TMEM156: variants seen among roughly 807,000 people sequenced by gnomAD.
TMEM156 encodes transmembrane protein 156.
In TMEM156, 28 loss-of-function variants were observed where a neutral mutation model predicts 30.5. The ratio of observed to expected loss-of-function variants is 0.92; its 90% CI spans 0.68 to 1.26. TMEM156 has a LOEUF of 1.26. Among genes scored for constraint, TMEM156 ranks in the 50% most tolerant of loss-of-function variants. TMEM156 has a pLI of 0.00. For synonymous variants in TMEM156, 137 were observed against 119.9 expected (o/e 1.14, Z -0.93); for missense variants, 351 against 340.6 (o/e 1.03, Z -0.24).
intron 5 of TMEM156, among the ~76,000 whole-genome samples, chr4:38,981,281 T>G (rs1332417455): frequency 1.3e-5 from 2 of 152,234 alleles, no homozygotes; most frequent in Non-Finnish European, 2.9e-5. Context: ...TATTTTGGTG[T>G]AATATAAATT....
intron 2 of TMEM156, 152 bp downstream of exon 2, chr4:38,998,488 G>A: frequency 1.8e-6 from 1 of 558,742 alleles, no homozygotes; most frequent in Non-Finnish European, 2.5e-6. Context: ...AGGTTGCAGT[G>A]AGCTGAGATT....
At chr4:39,026,193 TAAGGGG>T (rs1715192467) in intron 1 of TMEM156, among the ~76,000 whole-genome samples, 2 of 152,222 alleles carry the variant, frequency 1.3e-5, no homozygotes, top group South Asian at 4.1e-4. Context: ...CAGAACAGTG[TAAGGGG>T]AAGATATATC....
At chr4:38,984,578 C>T (rs1409577638) in intron 5 of TMEM156, among the ~76,000 whole-genome samples, 1 of 152,026 alleles carries the variant, frequency 6.6e-6, no homozygotes, top group Non-Finnish European at 1.5e-5. Context: ...ATTCTCACTG[C>T]TGCCTATAAT....
At chr4:38,979,231 G>A (rs763567289) in intron 5 of TMEM156, among the ~76,000 whole-genome samples, 11 of 152,322 alleles carry the variant, frequency 7.2e-5, no homozygotes, top group South Asian at 4.1e-4. Context: ...TAGATTCACC[G>A]ACATGAGGCA....
At chr4:38,973,315 CT>C (rs761709557) in intron 5 of TMEM156, among the ~76,000 whole-genome samples, 13 of 152,110 alleles carry the variant, frequency 8.5e-5, no homozygotes, top group Admixed American at 3.3e-4. Flanking sequence ...GAATTAGCAT[CT>C]TTATATATTC....
intron 1 of TMEM156, among the ~76,000 whole-genome samples, chr4:39,026,410 C>T (rs1715209048): frequency 6.6e-6 from 1 of 151,616 alleles, no homozygotes; most frequent in Non-Finnish European, 1.5e-5. Context: ...CATTTATCCA[C>T]CAAAACAATG....
intron 5 of TMEM156, among the ~76,000 whole-genome samples, chr4:38,978,219 C>T (rs553466845): frequency 6.6e-6 from 1 of 152,044 alleles, no homozygotes; most frequent in African/African-American, 2.4e-5. Flanking sequence ...ACTACTTGTT[C>T]AGCTACATTT....
intron 5 of TMEM156, among the ~76,000 whole-genome samples, chr4:38,983,775 T>C (rs952816556): frequency 1.3e-5 from 2 of 152,244 alleles, no homozygotes; most frequent in South Asian, 4.1e-4. Flanking sequence ...TTGATATCCA[T>C]AGCCCTTCTA....
At chr4:39,008,827 A>C (rs1373978217) in intron 1 of TMEM156, among the ~76,000 whole-genome samples, 1 of 152,190 alleles carries the variant, frequency 6.6e-6, no homozygotes, top group Non-Finnish European at 1.5e-5. Flanking sequence ...TTAAATTAAC[A>C]ACCTAAGCAT....
At chr4:38,994,930 T>C (rs1252509744) in intron 2 of TMEM156, among the ~76,000 whole-genome samples, 2 of 150,934 alleles carry the variant, frequency 1.3e-5, no homozygotes, top group Non-Finnish European at 3.0e-5. Flanking sequence ...AGAAGGAGAC[T>C]CAGTCTCAAA....
At chr4:39,013,759 G>GA (rs1714290809) in intron 1 of TMEM156, among the ~76,000 whole-genome samples, 1 of 151,982 alleles carries the variant, frequency 6.6e-6, no homozygotes, top group Non-Finnish European at 1.5e-5. Context: ...ACAGTCAACT[G>GA]AAAAATGGTA....
At position 39,026,992 on chromosome 4, in the gene TMEM156, C is replaced by T. The variant is rs1715237901; in HGVS notation, c.88+5234G>A. Among the ~76,000 whole-genome samples, 2 of 152,056 alleles carry T rather than the reference C, an allele frequency of 1.3e-5. 1 individual carries two copies. Among genetic ancestry groups the T allele is most frequent in the South Asian group, 4.1e-4 (2 of 4,822 alleles). ...AATCTTACCACAAAGTACATTTATCCATCTAGTTTTATTCCTTCTTTCTAA... is the reference window on the plus strand; with the variant it reads ...AATCTTACCACAAAGTACATTTATCTATCTAGTTTTATTCCTTCTTTCTAA... On this transcript the variant is annotated intron_variant, in intron 1 of 6. Transcript: ENST00000381938.
At chr4:39,028,038 G>A (rs1355205577) in intron 1 of TMEM156, among the ~76,000 whole-genome samples, 2 of 151,772 alleles carry the variant, frequency 1.3e-5, no homozygotes, top group East Asian at 1.9e-4. Context: ...ATTACACCGC[G>A]CCTGGCCCCA....
chr4:39,011,432 A>G (rs2110021302), intron 1 of TMEM156, among the ~76,000 whole-genome samples: 1 of 151,300 alleles, frequency 6.6e-6, no homozygotes, highest in South Asian at 2.1e-4. Flanking sequence ...GTTCTACCAA[A>G]AAGACACCTG....
intron 5 of TMEM156, among the ~76,000 whole-genome samples, chr4:38,976,668 C>T (rs1323249944): frequency 6.6e-6 from 1 of 152,202 alleles, no homozygotes; most frequent in Admixed American, 6.5e-5. Context: ...CTAATAAGTA[C>T]AGTGACTGAC....
intron 5 of TMEM156, among the ~76,000 whole-genome samples, chr4:38,977,309 G>A (rs978872500): frequency 6.6e-6 from 1 of 152,130 alleles, no homozygotes; most frequent in Non-Finnish European, 1.5e-5. Flanking sequence ...AAGCCAAACC[G>A]CTGGTTTGGC....
At chr4:38,971,795 A>AT (rs555294762) in intron 5 of TMEM156, among the ~76,000 whole-genome samples, 2,516 of 148,902 alleles carry the variant, frequency 0.017, 26 homozygotes, top group East Asian at 0.062. Context: ...GTGACCTATA[A>AT]TTTTTTTTTT....
At chr4:39,013,667 C>T (rs1018866249) in intron 1 of TMEM156, among the ~76,000 whole-genome samples, 5 of 151,790 alleles carry the variant, frequency 3.3e-5, no homozygotes, top group Admixed American at 6.6e-5. Context: ...CCCAAAGTGC[C>T]GGGATTACAG....
intron 1 of TMEM156, among the ~76,000 whole-genome samples, chr4:39,018,256 A>G (rs535310294): frequency 6.6e-6 from 1 of 152,304 alleles, no homozygotes; most frequent in African/African-American, 2.4e-5. Context: ...GGGTCTTAGG[A>G]TACTTTAACT....
Sources: allele counts gnomAD v4.1 joint callset (sites outside exome capture counted in the v4.1 genomes callset), GRCh38; gene constraint gnomAD v4.1.1; transcripts MANE v1.5; gene names NCBI Gene and HGNC (gene_info 2026-07-23, HGNC 2026-07-21).